CLIC5: variants seen among roughly 807,000 people sequenced by gnomAD.
The protein encoded by CLIC5 is CLIC family member 5, also known as chloride intracellular channel protein 5.
Under a neutral mutation model 24.7 loss-of-function variants are expected in CLIC5, and 20 were observed. That is an observed-to-expected ratio of 0.81 (90% confidence interval 0.57 to 1.18). The LOEUF (loss-of-function observed/expected upper bound fraction) is 1.18. Among genes scored for constraint, CLIC5 ranks in the 50% most tolerant of loss-of-function variants. The probability of loss-of-function intolerance (pLI) is 0.00; values close to 1 mark genes in which losing one functional copy is unlikely to be tolerated. For missense variants in CLIC5, 341 were observed against 326.1 expected, an observed-to-expected ratio of 1.05 and a Z score of -0.35; for synonymous variants, 159 against 135.6, an observed-to-expected ratio of 1.17 and a Z score of -1.20.
chr6:45,909,453 T>C (rs1169004544), intron 5 of CLIC5, among the ~76,000 whole-genome samples: 1 of 152,220 alleles, frequency 6.6e-6, no homozygotes, highest in Non-Finnish European at 1.5e-5. Context: ...CTTAAGGATC[T>C]CTTGTAAGTA....
At chr6:45,959,574 T>C (rs934428903) in intron 1 of CLIC5, among the ~76,000 whole-genome samples, 13 of 152,180 alleles carry the variant, frequency 8.5e-5, no homozygotes, top group African/African-American at 3.1e-4. Context: ...AGTCTTGCTC[T>C]GTCATCCAGG....
rs192311535 is a variant in CLIC5 at position 45,911,977 on chromosome 6, G to T, written c.588+2251C>A. 3.8e-4 allele frequency: 370 copies of T among 985,560 alleles called. No individual in the cohort carries two copies. In the African/African-American group the frequency reaches 6.1e-3, roughly 16 times the overall value. The allele number at this position is 985,560 out of a possible 1,614,324, so 61.1% of individuals were successfully genotyped here. A position where few individuals can be genotyped will look rare whatever the true frequency, so the allele number is the denominator to read the frequency against. Reference sequence around the variant, plus strand: ...TGGGCCAGAGCAACTCTGCTTCCAGGGATGGAGATAAACCTGAAAGCGAGC... The same window carrying T: ...TGGGCCAGAGCAACTCTGCTTCCAGTGATGGAGATAAACCTGAAAGCGAGC... On this transcript the variant is annotated intron_variant, in intron 5 of 5. Transcript: ENST00000339561.
intron 1 of CLIC5, among the ~76,000 whole-genome samples, chr6:45,962,894 G>C (rs1005873313): frequency 4.6e-5 from 7 of 152,162 alleles, no homozygotes; most frequent in African/African-American, 1.7e-4. Context: ...TGGGGTGTCT[G>C]TCCTTTAGCC....
upstream of CLIC5, among the ~76,000 whole-genome samples, chr6:46,017,635 C>T (rs535069609): frequency 6.6e-6 from 1 of 152,266 alleles, no homozygotes; most frequent in East Asian, 1.9e-4. Flanking sequence ...ATCAAAATCC[C>T]TTTCAGAATA....
At chr6:45,949,496 G>T in intron 2 of CLIC5, 115 bp from the exon 3 acceptor site, 1 of 1,185,898 alleles carries the variant, frequency 8.4e-7, no homozygotes, top group South Asian at 1.5e-5. Flanking sequence ...CCTGTCAGGT[G>T]AAACAGATTT....
At chr6:45,940,884 GAAGGACTGA>G (rs1377139843) in intron 4 of CLIC5, among the ~76,000 whole-genome samples, 7 of 152,232 alleles carry the variant, frequency 4.6e-5, no homozygotes, top group Admixed American at 1.3e-4. Flanking sequence ...AATGCCAAAT[GAAGGACTGA>G]AAGTGCTGTG....
chr6:45,951,840 G>C (rs987872388), intron 2 of CLIC5, among the ~76,000 whole-genome samples: 1 of 152,030 alleles, frequency 6.6e-6, no homozygotes, highest in East Asian at 1.9e-4. Context: ...AGTTTGGGAG[G>C]GGAAGAGAAG....
At chr6:45,962,483 CAA>C (rs5875950) in intron 1 of CLIC5, among the ~76,000 whole-genome samples, 18,465 of 112,368 alleles carry the variant, frequency 0.16, 1,562 homozygotes, top group East Asian at 0.49. Flanking sequence ...TAATGTCATC[CAA>C]AAAAAAAAAA....
rs543189806 is a variant in CLIC5, at chr6:46,001,761, A to G, written c.63+13719T>C. Reference sequence around the variant, plus strand: ...AGAAACCCCAACTCTGCCACTTTCCATGGGACCTTGAGCAAAACACCTAAC... The same window carrying G: ...AGAAACCCCAACTCTGCCACTTTCCGTGGGACCTTGAGCAAAACACCTAAC... On this transcript the variant is annotated intron_variant, in intron 1 of 5. Coordinates refer to ENST00000339561, the MANE Select transcript of CLIC5 (RefSeq NM_016929.5). Among the ~76,000 whole-genome samples, 52 of 152,342 alleles carry G rather than the reference A, an allele frequency of 3.4e-4. 1 individual carries two copies. The highest frequency in any genetic ancestry group is 5.2e-4 in the Admixed American group (8 of 15,304).
At chr6:46,095,490 T>C in the CLIC5 span, among the ~76,000 whole-genome samples, 5 of 152,206 alleles carry the variant, frequency 3.3e-5, no homozygotes, top group African/African-American at 1.2e-4. Context: ...ATTTTGCTGC[T>C]AACAAATTTC....
chr6:45,957,679 T>A (rs1373025247), intron 1 of CLIC5, among the ~76,000 whole-genome samples: 1 of 152,214 alleles, frequency 6.6e-6, no homozygotes, highest in Non-Finnish European at 1.5e-5. Context: ...CTGGGTTTAG[T>A]AAACAAAAAT....
At chr6:46,063,915 G>T (rs1762363862) in intron 1 of CLIC5, among the ~76,000 whole-genome samples, 1 of 152,144 alleles carries the variant, frequency 6.6e-6, no homozygotes, top group Non-Finnish European at 1.5e-5. Context: ...CCAGAATGAG[G>T]CCTGACACTT....
intron 1 of CLIC5, among the ~76,000 whole-genome samples, chr6:46,009,650 C>T (rs189421508): frequency 2.2e-3 from 340 of 152,220 alleles, no homozygotes; most frequent in Non-Finnish European, 4.1e-3. Flanking sequence ...GTAGATAATA[C>T]GTGTGCATGT....
intron 5 of CLIC5, chr6:45,912,664 T>C (rs1262596098): frequency 1.3e-6 from 2 of 1,533,154 alleles, no homozygotes; most frequent in Non-Finnish European, 1.7e-6. Context: ...TCGGGTCTCC[T>C]GATCTTTGCA....
intron 1 of CLIC5, among the ~76,000 whole-genome samples, chr6:46,078,677 T>C (rs147112512): frequency 6.6e-6 from 1 of 152,320 alleles, no homozygotes; most frequent in Non-Finnish European, 1.5e-5. Context: ...TACAAGGCAA[T>C]GTGTGTCTGG....
At chr6:45,906,286 T>C (rs955565058) in intron 5 of CLIC5, among the ~76,000 whole-genome samples, 3 of 152,226 alleles carry the variant, frequency 2.0e-5, no homozygotes, top group Non-Finnish European at 2.9e-5. Flanking sequence ...GCATTGAATC[T>C]GCATATTGCT....
At chr6:45,917,132 C>T (rs967172718) in intron 4 of CLIC5, among the ~76,000 whole-genome samples, 3 of 152,146 alleles carry the variant, frequency 2.0e-5, no homozygotes, top group African/African-American at 7.2e-5. Context: ...TGCCTTAAGG[C>T]TTCATAAATC....
At chr6:46,067,097 T>C (rs1354412794) in intron 1 of CLIC5, among the ~76,000 whole-genome samples, 2 of 152,094 alleles carry the variant, frequency 1.3e-5, no homozygotes, top group Non-Finnish European at 2.9e-5. Context: ...GAATTGAGTA[T>C]CCAATTTGCA....
intron 1 of CLIC5, among the ~76,000 whole-genome samples, chr6:45,975,099 A>G (rs1472704669): frequency 6.6e-6 from 1 of 152,198 alleles, no homozygotes; most frequent in African/African-American, 2.4e-5. Flanking sequence ...GGAGGTGACA[A>G]AAAAAGAAAG....
Sources: allele counts gnomAD v4.1 joint callset (sites outside exome capture counted in the v4.1 genomes callset), GRCh38; gene constraint gnomAD v4.1.1; transcripts MANE v1.5; gene names NCBI Gene and HGNC (gene_info 2026-07-23, HGNC 2026-07-21).